C5: variants seen among roughly 807,000 people sequenced by gnomAD.
C5 encodes the protein C3 and PZP-like alpha-2-macroglobulin domain-containing protein 4.
In C5, 140 loss-of-function variants were observed where a neutral mutation model predicts 218.8. That is an observed-to-expected ratio of 0.64 (90% CI 0.56 to 0.74). The LOEUF is 0.74. Ranked by LOEUF, C5 falls within the 30% of genes least tolerant of loss-of-function variation. The pLI, the probability that C5 is intolerant of heterozygous loss-of-function variation, is 0.00. For synonymous variants in C5, 614 were observed against 682.3 expected (o/e 0.90, Z 1.56); for missense variants, 1,700 against 1,969.6 (o/e 0.86, Z 2.59).
At chr9:121,019,826 T>G (rs926377728) in intron 12 of C5, 150 bp downstream of exon 12, 27 of 626,008 alleles carry the variant, frequency 4.3e-5, no homozygotes, top group Admixed American at 3.9e-4. Flanking sequence ...ATTTCAAAGG[T>G]TTTTTGAGAA....
intron 22 of C5, among the ~76,000 whole-genome samples, chr9:120,993,711 C>T (rs146107618): frequency 3.5e-3 from 535 of 152,286 alleles, no homozygotes; most frequent in African/African-American, 0.012. Context: ...CGTGAGCCAC[C>T]GCGCCTGGCC....
chr9:120,997,059 A>G (rs567511867), intron 21 of C5, among the ~76,000 whole-genome samples: 1 of 152,234 alleles, frequency 6.6e-6, no homozygotes, highest in African/African-American at 2.4e-5. Context: ...ATTTGTTTAT[A>G]CAATGGAAAG....
the C5 span, among the ~76,000 whole-genome samples, chr9:121,056,765 C>A: frequency 8.6e-5 from 13 of 151,588 alleles, no homozygotes; most frequent in African/African-American, 2.9e-4. Flanking sequence ...GAGTTACTAG[C>A]CTTAAAGGGG....
intron 20 of C5, 112 bp downstream of exon 20, chr9:121,005,807 T>C (rs1194388044): frequency 1.9e-6 from 2 of 1,048,574 alleles, no homozygotes; most frequent in Non-Finnish European, 1.5e-6. Flanking sequence ...TTGGTTTCTA[T>C]TGCTGAACTG....
At position 120,989,634 on chromosome 9, in the gene C5, G is replaced by A; in HGVS notation, c.3088C>T (p.His1030Tyr). 1 of 1,613,096 alleles carries A rather than the reference G, an allele frequency of 6.2e-7. No homozygotes were observed. The highest frequency in any genetic ancestry group is 8.5e-7 in the Non-Finnish European group (1 of 1,179,640). Residue 1030 changes from histidine (H) to tyrosine (Y), a missense_variant, in exon 24 of 41, where the codon CAT (histidine) becomes TAT (tyrosine). Transcript: ENST00000223642. ...GGGTCAGAATGAAAAATGTTCCAAT[G>A]ATTTCCTGTTTCCAGGTAGTGAAAA... ...YVFHYLETGNHWNIFHSDPLI... is the reference protein window; with the variant it reads ...YVFHYLETGNYWNIFHSDPLI...
At chr9:121,022,298 CAT>C (rs36060946) in intron 10 of C5, among the ~76,000 whole-genome samples, 93,958 of 148,872 alleles carry the variant, frequency 0.63, 29,575 homozygotes, top group East Asian at 0.81. Context: ...CTCTCACTGC[CAT>C]ATATATATAT....
intron 22 of C5, among the ~76,000 whole-genome samples, chr9:120,995,575 G>T (rs1430021099): frequency 6.6e-6 from 1 of 152,070 alleles, no homozygotes; most frequent in Admixed American, 6.5e-5. Flanking sequence ...AATAATGCAT[G>T]TTAATTATGT....
chr9:120,963,574 T>C (rs1211129601), intron 34 of C5, 62 bp downstream of exon 34: 1 of 1,164,454 alleles, frequency 8.6e-7, no homozygotes, highest in Non-Finnish European at 1.3e-6. Context: ...TAAAATTGTC[T>C]ATAAAATAAT....
At chr9:121,011,767 A>C (rs1221210759) in intron 17 of C5, among the ~76,000 whole-genome samples, 6 of 152,240 alleles carry the variant, frequency 3.9e-5, no homozygotes, top group Non-Finnish European at 8.8e-5. Flanking sequence ...AATGTGGTGC[A>C]TATACACAAT....
intron 1 of C5, among the ~76,000 whole-genome samples, chr9:121,048,523 T>C (rs2047647160): frequency 2.0e-5 from 3 of 152,336 alleles, no homozygotes; most frequent in South Asian, 4.1e-4. Context: ...ACCCCAATCC[T>C]GGTCCATGGA....
Position 121,021,577 on chromosome 9 carries a change from G to A in C5, c.1234C>T (p.Arg412Cys), listed in dbSNP as rs148822412. The stretch of plus-strand genomic sequence containing the variant: ...AAGGAAGCTACTCCATCATCAACAC[G>A]TGTTACACTTTTGCTTGGATCCAAG... The part of the protein sequence containing the change: ...SDLDPSKSVT[R>C]VDDGVASFVL... Residue 412 changes from arginine (R) to cysteine (C), a missense_variant, in exon 11 of 41, where the codon CGT becomes TGT. Arg to Cys is a radical substitution (Grantham distance 180). Coordinates refer to ENST00000223642, the MANE Select transcript of C5 (RefSeq NM_001735.3). 23 of 1,613,638 alleles carry A rather than the reference G, an allele frequency of 1.4e-5. No homozygotes were observed. Among genetic ancestry groups the A allele is most frequent in the Admixed American group, 3.3e-5 (2 of 59,998 alleles).
intron 22 of C5, among the ~76,000 whole-genome samples, chr9:120,994,860 G>A (rs2047104438): frequency 6.6e-6 from 1 of 150,850 alleles, no homozygotes; most frequent in Admixed American, 6.6e-5. Context: ...CCTAGGATGA[G>A]TAAGGCAAGA....
intron 24 of C5, 101 bp from the exon 25 acceptor site, chr9:120,989,222 T>C (rs1287564166): frequency 4.3e-6 from 4 of 930,848 alleles, no homozygotes; most frequent in Non-Finnish European, 7.1e-6. Flanking sequence ...CCTTTGGTGT[T>C]GGGCAGCAAG....
chr9:121,065,193 C>G, the C5 span, among the ~76,000 whole-genome samples: 1 of 151,922 alleles, frequency 6.6e-6, no homozygotes, highest in Non-Finnish European at 1.5e-5. Context: ...ACTGAAAAAT[C>G]CCCACAGGAA....
At chr9:120,959,844 C>A (rs2046813739) in intron 38 of C5, among the ~76,000 whole-genome samples, 1 of 151,966 alleles carries the variant, frequency 6.6e-6, no homozygotes, top group East Asian at 1.9e-4. Flanking sequence ...ATATTTTTAC[C>A]CTGAAGATAT....
At position 121,039,325 on chromosome 9, in the gene C5, T is replaced by C. The variant is rs1204880939; in HGVS notation, c.422-1374A>G. Among the ~76,000 whole-genome samples, 4 of 152,178 alleles carry C rather than the reference T, an allele frequency of 2.6e-5. No homozygotes were observed. In the East Asian group the frequency reaches 5.8e-4, roughly 22 times the overall value. On this transcript the variant is annotated intron_variant, in intron 3 of 40. Transcript: ENST00000223642. ...GATGGTACATTGGAGGCAAGATCTA[T>C]ACAATTTTTTGTATAAAAGATATGG... is the stretch of plus-strand genomic sequence containing the variant.
rs41309852 is a variant in C5 at position 121,015,827 on chromosome 9, T to C, written c.1996+427A>G. ...CTAGTCCCTGCAATAGCCTCCCTAT[T>C]AAAGGAGGAGGGAATTATAAATTCT... On this transcript the variant is annotated intron_variant, in intron 15 of 40. Transcript: ENST00000223642. Among the ~76,000 whole-genome samples, 1,252 of 152,200 alleles carry C rather than the reference T, an allele frequency of 8.2e-3. 12 individuals are homozygous for C. Among genetic ancestry groups the C allele is most frequent in the African/African-American group, 0.028 (1,180 of 41,506 alleles).
At chr9:121,008,282 G>A in intron 18 of C5, 126 bp downstream of exon 18, 1 of 729,366 alleles carries the variant, frequency 1.4e-6, no homozygotes, top group Non-Finnish European at 2.4e-6. Context: ...AACAAAATTT[G>A]ATCAAATTGC....
chr9:121,001,013 T>C (rs1435272576), intron 20 of C5, among the ~76,000 whole-genome samples: 1 of 152,134 alleles, frequency 6.6e-6, no homozygotes, highest in Non-Finnish European at 1.5e-5. Context: ...AAGGAAAAGA[T>C]CTACAGATTT....
Sources: allele counts gnomAD v4.1 joint callset (sites outside exome capture counted in the v4.1 genomes callset), GRCh38; gene constraint gnomAD v4.1.1; transcripts MANE v1.5; gene names NCBI Gene and HGNC (gene_info 2026-07-23, HGNC 2026-07-21).